The following SYNJ2 variants were observed in gnomAD, a reference collection of about 807,000 sequenced individuals.
The protein encoded by SYNJ2 is synaptojanin 2.
A neutral mutation model predicts 141.3 loss-of-function variants in SYNJ2; 116 were observed. That is an observed-to-expected ratio of 0.82 (90% confidence interval 0.71 to 0.96). SYNJ2 has a LOEUF of 0.96. Ranked by LOEUF, SYNJ2 falls within the 40% of genes least tolerant of loss-of-function variation. SYNJ2 has a pLI of 0.00. For synonymous variants in SYNJ2, 745 were observed against 777.7 expected, an observed-to-expected ratio of 0.96 and a Z score of 0.70; for missense variants, 1,873 against 1,934.8, an observed-to-expected ratio of 0.97 and a Z score of 0.60.
chr6:158,082,438 G>GATC (rs1782754301), intron 20 of SYNJ2, among the ~76,000 whole-genome samples: 1 of 141,960 alleles, frequency 7.0e-6, no homozygotes, highest in Non-Finnish European at 1.5e-5. Flanking sequence ...AGTGAGCCGA[G>GATC]ATCGCACCAT....
At position 158,006,990 on chromosome 6, in the gene SYNJ2, G is replaced by A. The variant is rs182326672; in HGVS notation, c.128-10214G>A. 4.3e-4 allele frequency among the ~76,000 whole-genome samples: 65 copies of A among 151,860 alleles called. No homozygotes were observed. The East Asian group carries it at 0.012, about 28-fold the overall frequency. ...CACCGATCTGTTTATTTTTGAGACAGTGTCTCACTCTGTCAACCAGGCTGG... is the reference window on the plus strand; with the variant it reads ...CACCGATCTGTTTATTTTTGAGACAATGTCTCACTCTGTCAACCAGGCTGG... On this transcript the variant is annotated intron_variant, in intron 1 of 26. Coordinates refer to ENST00000355585, the MANE Select transcript of SYNJ2 (RefSeq NM_003898.4).
Position 157,982,097 on chromosome 6 carries a change from G to A in SYNJ2, c.127+9G>A. 1 of 1,319,144 alleles carries A rather than the reference G, an allele frequency of 7.6e-7. No homozygotes were observed. The highest frequency in any genetic ancestry group is 9.7e-7 in the Non-Finnish European group (1 of 1,035,722). 81.7% of individuals were successfully genotyped at this position (1,319,144 alleles called of 1,614,324 possible). Reference sequence around the variant, plus strand: ...CACGGTGGCCACGCTGGGTGAGTCCGGGCCGGGGGCAGCGACGCCCGGAGG... The same window carrying A: ...CACGGTGGCCACGCTGGGTGAGTCCAGGCCGGGGGCAGCGACGCCCGGAGG... On this transcript the variant is annotated intron_variant, in intron 1 of 26. Transcript: ENST00000355585. This position sits in a 1 kb window ranked among gnomAD's most constrained non-coding sequence, Gnocchi z 4.0.
chr6:158,038,722 G>A (rs1219031801), intron 4 of SYNJ2, among the ~76,000 whole-genome samples: 4 of 152,224 alleles, frequency 2.6e-5, no homozygotes, highest in African/African-American at 2.4e-5. Flanking sequence ...TGTGATGGGG[G>A]CGCAGCAGGA....
rs891688440 is a variant in SYNJ2 at position 158,016,991 on chromosome 6, G to A, written c.128-213G>A. 5.6e-6 allele frequency: 7 copies of A among 1,256,198 alleles called. No individual in the cohort carries two copies. In the African/African-American group the frequency reaches 1.1e-4, roughly 19 times the overall value. The allele number at this position is 1,256,198 out of a possible 1,614,324, so 77.8% of individuals were successfully genotyped here. A position where few individuals can be genotyped will look rare whatever the true frequency, so the allele number is the denominator to read the frequency against. The stretch of plus-strand genomic sequence containing the variant: ...CCCCAGGAAGCTGTCAGCACTTCCA[G>A]AGAGCAAGCTGTTGGTGGGAAGGTC... On this transcript the variant is annotated intron_variant, in intron 1 of 26. Transcript: ENST00000355585.
rs775305043 is a variant in SYNJ2, at chr6:158,078,275, AT to A, written c.2562del (p.His855ThrfsTer39). ...GGTCGTGCGGAGCTACAAGCGTCTG[AT>A]CACAGGTGAGGTCCTGACTTCCATG... ...YYGRAELQAS[D>X]HRPVLAIVEV... On this transcript the variant is annotated frameshift_variant, in exon 18 of 27. Transcript: ENST00000355585. LOFTEE classifies it high-confidence loss of function. 2 of 1,609,414 alleles carry A rather than the reference AT, an allele frequency of 1.2e-6. No individual in the cohort carries two copies. The highest frequency in any genetic ancestry group is 1.7e-6 in the Non-Finnish European group (2 of 1,175,830).
At chr6:158,094,119 G>A in intron 26 of SYNJ2, 2 of 648,270 alleles carry the variant, frequency 3.1e-6, no homozygotes, top group Non-Finnish European at 5.6e-6. Flanking sequence ...ACTCTTGACA[G>A]CGCTTGCTTT....
chr6:158,092,788 T>G lies in SYNJ2; in HGVS notation c.3566-138T>G, dbSNP rs1448728923. 4 of 827,188 alleles carry G rather than the reference T, an allele frequency of 4.8e-6. No homozygotes were observed. In the African/African-American group the frequency reaches 5.4e-5, roughly 11 times the overall value. 51.2% of individuals were successfully genotyped at this position (827,188 alleles called of 1,614,324 possible). A position where few individuals can be genotyped will look rare whatever the true frequency, so the allele number is the denominator to read the frequency against. On this transcript the variant is annotated intron_variant, in intron 25 of 26. Coordinates refer to ENST00000355585, the MANE Select transcript of SYNJ2 (RefSeq NM_003898.4). The stretch of plus-strand genomic sequence containing the variant: ...TTAAAAAAGAAAAAAGAAAAAAAGC[T>G]GGGACTGAATCTAGCTGATTACTCC...
intron 4 of SYNJ2, among the ~76,000 whole-genome samples, chr6:158,041,791 C>T (rs1779960931): frequency 6.6e-6 from 1 of 152,254 alleles, no homozygotes. Flanking sequence ...TCACTGCAGC[C>T]TCATCCTCCT....
chr6:157,997,148 G>A (rs755188509), intron 1 of SYNJ2, among the ~76,000 whole-genome samples: 3 of 151,834 alleles, frequency 2.0e-5, no homozygotes, highest in Non-Finnish European at 2.9e-5. Context: ...TCTTCTTGGC[G>A]CTTATCACTG....
chr6:158,043,186 C>A lies in SYNJ2; in HGVS notation c.712-130C>A, dbSNP rs1055463265. 1.1e-5 allele frequency: 8 copies of A among 722,332 alleles called. No homozygotes were observed. The South Asian group carries it at 1.2e-4, about 11-fold the overall frequency. The allele number at this position is 722,332 out of a possible 1,614,324, so 44.7% of individuals were successfully genotyped here. A position where few individuals can be genotyped will look rare whatever the true frequency, so the allele number is the denominator to read the frequency against. ...CATTGCCGGATGGGGGAGCAGAGGA[C>A]GCCGGAGTCCACCGTCCGCCCTTCA... On this transcript the variant is annotated intron_variant, in intron 4 of 26. Coordinates refer to ENST00000355585, the MANE Select transcript of SYNJ2 (RefSeq NM_003898.4). The surrounding 1 kb of genome is among the most constrained non-coding windows in gnomAD (Gnocchi z 4.0).
At chr6:158,045,571 C>G (rs1562353521) in intron 5 of SYNJ2, among the ~76,000 whole-genome samples, 1 of 152,132 alleles carries the variant, frequency 6.6e-6, no homozygotes, top group Non-Finnish European at 1.5e-5. Context: ...TGATTCTTCT[C>G]CGTGTGACTC....
intron 7 of SYNJ2, among the ~76,000 whole-genome samples, chr6:158,059,920 C>G (rs1050186597): frequency 6.6e-6 from 1 of 152,204 alleles, no homozygotes; most frequent in Non-Finnish European, 1.5e-5. Flanking sequence ...CAGAGCATCT[C>G]CTGTCCCCAG....
In SYNJ2 at chr6:158,033,497, C is replaced by G; in HGVS notation, c.528C>G (p.Ser176Arg). ...LHVPLRQHQV[S>R]CCDWLLKIIC... ...TGCCCTTGAGGCAGCACCAGGTGAG[C>G]TGCTGTGACTGGCTGCTGAAGATCA... The change falls in exon 4 of 27, where the codon AGC (serine) becomes AGG (arginine). Residue 176 changes from serine to arginine, a missense_variant. Transcript: ENST00000355585. 6.2e-7 allele frequency: 1 copy of G among 1,614,236 alleles called. No individual in the cohort carries two copies. The highest frequency in any genetic ancestry group is 8.5e-7 in the Non-Finnish European group (1 of 1,180,044).
At chr6:158,059,009 C>T (rs1017509184) in intron 6 of SYNJ2, among the ~76,000 whole-genome samples, 3 of 152,252 alleles carry the variant, frequency 2.0e-5, no homozygotes, top group East Asian at 1.9e-4. Context: ...GAAAGTGCAG[C>T]ATATCCTTTG....
chr6:158,034,174 C>T lies in SYNJ2; in HGVS notation c.711+494C>T, dbSNP rs181203416. Among the ~76,000 whole-genome samples the T allele has an allele frequency of 4.1e-4, 62 of 152,326 alleles. 1 individual carries two copies. The East Asian group carries it at 6.6e-3, about 16-fold the overall frequency. ...TGCGTGTTAAGCAGCCGCTCCCATC[C>T]GTTCCCCTAGAATATAGCCATCTGC... On this transcript the variant is annotated intron_variant, in intron 4 of 26. Coordinates refer to ENST00000355585, the MANE Select transcript of SYNJ2 (RefSeq NM_003898.4).
At chr6:158,038,588 G>A (rs1779763753) in intron 4 of SYNJ2, among the ~76,000 whole-genome samples, 1 of 152,254 alleles carries the variant, frequency 6.6e-6, no homozygotes, top group African/African-American at 2.4e-5. Context: ...TACCCAGGAA[G>A]GGGAGCTGTC....
At chr6:158,017,312 G>A in intron 2 of SYNJ2, 22 bp downstream of exon 2, 1 of 1,603,130 alleles carries the variant, frequency 6.2e-7, no homozygotes, top group Non-Finnish European at 8.5e-7. Flanking sequence ...CTCGCTGGAG[G>A]AGCAGGCGCC....
chr6:158,081,056 G>T (rs1272775653), intron 18 of SYNJ2, 53 bp from the exon 19 acceptor site: 9 of 1,547,954 alleles, frequency 5.8e-6, no homozygotes, highest in South Asian at 2.2e-5. Context: ...GAGGCCGGGG[G>T]TGTGGACATC....
At chr6:158,088,101 C>T (rs536723936) in intron 23 of SYNJ2, among the ~76,000 whole-genome samples, 7 of 106,858 alleles carry the variant, frequency 6.6e-5, no homozygotes, top group Admixed American at 3.7e-4. Flanking sequence ...TTCTGTCCCC[C>T]GGGCTGGAGT....
Sources: allele counts gnomAD v4.1 joint callset (sites outside exome capture counted in the v4.1 genomes callset), GRCh38; gene constraint gnomAD v4.1.1; non-coding constraint Gnocchi (gnomAD v3.1); transcripts MANE v1.5; gene names NCBI Gene and HGNC (gene_info 2026-07-23, HGNC 2026-07-21).